MGAM: variants seen among roughly 807,000 people sequenced by gnomAD.
MGAM encodes the protein alpha-1,4-glucosidase.
In MGAM, 253 loss-of-function variants were observed where a neutral mutation model predicts 358.8. That is an observed-to-expected ratio of 0.71 (90% CI 0.64 to 0.78). MGAM has a LOEUF of 0.78. Ranked by LOEUF, MGAM falls within the 30% of genes least tolerant of loss-of-function variation. The probability of loss-of-function intolerance (pLI) is 0.00; values close to 1 mark genes in which losing one functional copy is unlikely to be tolerated. For synonymous variants in MGAM, 1,105 were observed against 1,227.1 expected (o/e 0.90, Z 2.08); for missense variants, 3,080 against 3,432.6 (o/e 0.90, Z 2.57).
intron 21 of MGAM, among the ~76,000 whole-genome samples, chr7:142,043,178 T>C (rs1563150365): frequency 8.6e-4 from 10 of 11,600 alleles, no homozygotes; most frequent in African/African-American, 4.5e-3. Context: ...TATATATACA[T>C]ATAATATCTA....
chr7:142,002,710 T>C (rs1177195297), intron 1 of MGAM, among the ~76,000 whole-genome samples: 1 of 152,062 alleles, frequency 6.6e-6, no homozygotes, highest in Non-Finnish European at 1.5e-5. Context: ...ATATTCAATA[T>C]AGTACTGGGA....
chr7:142,042,850 A>G (rs1197311817), intron 21 of MGAM, among the ~76,000 whole-genome samples: 1 of 49,760 alleles, frequency 2.0e-5, no homozygotes. Flanking sequence ...ATATACATAT[A>G]ATATCTAAAT....
rs1585056222 is a variant in MGAM at position 142,071,154 on chromosome 7, A to T, written c.5186+36A>T. On this transcript the variant is annotated intron_variant, in intron 44 of 70. Transcript: ENST00000475668. ...GGACTCAGGTTTTCCTTTACATTTC[A>T]GTTAGCTCAACAATTTGTGATGAAG... is the stretch of plus-strand genomic sequence containing the variant. 2 of 1,527,156 alleles carry T rather than the reference A, an allele frequency of 1.3e-6. 1 individual carries two copies. Among genetic ancestry groups the T allele is most frequent in the Non-Finnish European group, 1.8e-6 (2 of 1,114,108 alleles). The allele number at this position is 1,527,156 out of a possible 1,614,324, so 94.6% of individuals were successfully genotyped here. A position where few individuals can be genotyped will look rare whatever the true frequency, so the allele number is the denominator to read the frequency against.
chr7:142,034,728 G>A lies in MGAM; in HGVS notation c.1846G>A (p.Ala616Thr), dbSNP rs547400304. The change falls in exon 16 of 71, where the codon GCG becomes ACG. Residue 616 changes from alanine (A) to threonine (T), a missense_variant. Ala to Thr is a moderately conservative substitution (Grantham distance 58). This residue lies in a region of MGAM where 1,816 missense variants were observed against 1,840.5 expected (regional missense o/e 0.99). Coordinates refer to ENST00000475668, the MANE Select transcript of MGAM (RefSeq NM_001365693.1). Reference sequence around the variant, plus strand: ...CTTCATTCTGACCCGTTCTACCTTTGCGGGCTCTGGCAAGTTTGCAGCACA... The same window carrying A: ...CTTCATTCTGACCCGTTCTACCTTTACGGGCTCTGGCAAGTTTGCAGCACA... ...RSFILTRSTF[A>T]GSGKFAAHWL... is the part of the protein sequence containing the mutation. 1.6e-4 allele frequency: 254 copies of A among 1,613,584 alleles called. 5 individuals carry two copies. The South Asian group carries it at 2.7e-3, about 17-fold the overall frequency.
At chr7:142,022,964 T>C (rs1452332418) in intron 7 of MGAM, among the ~76,000 whole-genome samples, 2 of 152,212 alleles carry the variant, frequency 1.3e-5, no homozygotes, top group Admixed American at 1.3e-4. Flanking sequence ...GTTATTGTTT[T>C]ATTTTATTTC....
At chr7:142,087,030 TCCCACTGGGCGATAC>T (rs1303680428) in intron 57 of MGAM, among the ~76,000 whole-genome samples, 54 of 105,044 alleles carry the variant, frequency 5.1e-4, no homozygotes, top group African/African-American at 1.9e-3. Flanking sequence ...CCCAAGAAAT[TCCCACTGGGCGATAC>T]CTCCTAGCAG....
intron 22 of MGAM, among the ~76,000 whole-genome samples, chr7:142,048,171 A>G (rs1329945155): frequency 4.1e-5 from 6 of 145,086 alleles, no homozygotes; most frequent in East Asian, 4.0e-4. Context: ...TTATTTATTG[A>G]GGTGGAGTTT....
chr7:142,056,333 C>A (rs1377424503), intron 29 of MGAM, among the ~76,000 whole-genome samples: 3 of 152,284 alleles, frequency 2.0e-5, no homozygotes, highest in African/African-American at 4.8e-5. Context: ...AGTAACACCA[C>A]ATGGGTCCCA....
At position 142,076,617 on chromosome 7, in the gene MGAM, C is replaced by T; in HGVS notation, c.5326-42C>T. ...GAGTGACTTGAGAATCTGTGTATTA[C>T]AGGCATACCTTTATGCATAATTGGA... is the stretch of plus-strand genomic sequence containing the variant. On this transcript the variant is annotated intron_variant, in intron 46 of 70. Coordinates refer to ENST00000475668, the MANE Select transcript of MGAM (RefSeq NM_001365693.1). 2.1e-6 allele frequency: 3 copies of T among 1,420,124 alleles called. 1 individual carries two copies. Among genetic ancestry groups the T allele is most frequent in the South Asian group, 2.4e-5 (2 of 83,858 alleles). The allele number at this position is 1,420,124 out of a possible 1,614,324, so 88.0% of individuals were successfully genotyped here.
intron 45 of MGAM, among the ~76,000 whole-genome samples, chr7:142,075,791 TG>T (rs947258221): frequency 2.7e-5 from 4 of 145,828 alleles, no homozygotes; most frequent in African/African-American, 9.7e-5. Context: ...AGAGAAGTGC[TG>T]GTGAGGGTGT....
At chr7:142,071,232 C>A (rs923052671) in intron 44 of MGAM, 114 bp downstream of exon 44, 3 of 1,220,166 alleles carry the variant, frequency 2.5e-6, no homozygotes, top group Non-Finnish European at 3.4e-6. Context: ...CTACTCAACA[C>A]TTGTTTTTTC....
In MGAM at chr7:142,036,900, T is replaced by G; in HGVS notation, c.2154T>G (p.Thr718=). ...SSRHYLNIRY[T]LLPYLYTLFF... Reference sequence around the variant, plus strand: ...GGCACTACCTTAACATCCGCTATACTCTATTGCCCTACCTATACACCCTCT... The same window carrying G: ...GGCACTACCTTAACATCCGCTATACGCTATTGCCCTACCTATACACCCTCT... The change falls in exon 18 of 71, where the codon ACT becomes ACG. Residue 718 remains threonine, a synonymous_variant. Transcript: ENST00000475668. 5 of 1,613,700 alleles carry G rather than the reference T, an allele frequency of 3.1e-6. No homozygotes were observed. The highest frequency in any genetic ancestry group is 4.2e-6 in the Non-Finnish European group (5 of 1,179,678).
intron 21 of MGAM, among the ~76,000 whole-genome samples, chr7:142,042,212 T>A (rs376208049): frequency 0.014 from 30 of 2,116 alleles, no homozygotes; most frequent in Admixed American, 0.047. Context: ...TATAACATAT[T>A]ATATATACAT....
In MGAM at chr7:142,076,201, A is replaced by C; in HGVS notation, c.5276-2A>C. On this transcript the variant is annotated splice_acceptor_variant, in intron 45 of 70. Coordinates refer to ENST00000475668, the MANE Select transcript of MGAM (RefSeq NM_001365693.1). LOFTEE classifies it high-confidence loss of function. ...TCTGACTTGTCTTTCTGTCACTTTC[A>C]GATACTGTGGCCAAGAAAGTATATC... The C allele has an allele frequency of 6.5e-7, 1 of 1,544,828 alleles. No individual in the cohort carries two copies. The highest frequency in any genetic ancestry group is 8.9e-7 in the Non-Finnish European group (1 of 1,124,464).
At chr7:142,097,498 G>A in intron 65 of MGAM, 95 bp from the exon 66 acceptor site, 2 of 1,240,500 alleles carry the variant, frequency 1.6e-6, no homozygotes, top group Non-Finnish European at 2.4e-6. Flanking sequence ...TGGGCCCAAG[G>A]CCATCACAAT....
intron 6 of MGAM, among the ~76,000 whole-genome samples, 188 bp downstream of exon 6, chr7:142,021,925 A>AT (rs1329602722): frequency 6.6e-6 from 1 of 151,842 alleles, no homozygotes; most frequent in Non-Finnish European, 1.5e-5. Flanking sequence ...TTGCACAATC[A>AT]TTTTTTTCTC....
chr7:142,041,916 CGTATAA>C (rs1808667548), intron 21 of MGAM, among the ~76,000 whole-genome samples: 1 of 21,554 alleles, frequency 4.6e-5, no homozygotes, highest in Non-Finnish European at 9.0e-5. Context: ...TATATATATA[CGTATAA>C]TATATAATAT....
At chr7:142,041,825 A>G (rs1202074681) in intron 21 of MGAM, among the ~76,000 whole-genome samples, 1 of 135,956 alleles carries the variant, frequency 7.4e-6, no homozygotes, top group African/African-American at 2.8e-5. Context: ...ATCTTCCAGC[A>G]GAGGAAGCAC....
In MGAM at chr7:142,044,433, T is replaced by TATG. The variant is rs1554471792; in HGVS notation, c.2499-3350_2499-3349insGAT. Among the ~76,000 whole-genome samples, 66 of 136,392 alleles carry TATG rather than the reference T, an allele frequency of 4.8e-4. 5 individuals carry two copies. Among genetic ancestry groups the TATG allele is most frequent in the Non-Finnish European group, 7.6e-4 (49 of 64,756 alleles). 89.5% of individuals were successfully genotyped at this position (136,392 alleles called of 152,430 possible). A position where few individuals can be genotyped will look rare whatever the true frequency, so the allele number is the denominator to read the frequency against. On this transcript the variant is annotated intron_variant, in intron 21 of 70. Transcript: ENST00000475668. ...TAATGAATATTATATACACATACGA[T>TATG]ATATATAATGAATATTATATACACA...
Sources: allele counts gnomAD v4.1 joint callset (sites outside exome capture counted in the v4.1 genomes callset), GRCh38; gene constraint gnomAD v4.1.1; regional missense constraint gnomAD v4.1.1; transcripts MANE v1.5; gene names NCBI Gene and HGNC (gene_info 2026-07-23, HGNC 2026-07-21).